The following FMN1 variants were observed in gnomAD, a reference collection of about 807,000 sequenced individuals.
FMN1 encodes the protein formin 1.
Under a neutral mutation model 132.4 loss-of-function variants are expected in FMN1, and 110 were observed. The ratio of observed to expected loss-of-function variants is 0.83; its 90% CI spans 0.71 to 0.97. The LOEUF is 0.97. Ranked by LOEUF, FMN1 falls within the 50% of genes least tolerant of loss-of-function variation. FMN1 has a pLI of 0.00. For missense variants in FMN1, 1,792 were observed against 1,705.3 expected (o/e 1.05, Z -0.90); for synonymous variants, 722 against 651.7 (o/e 1.11, Z -1.64).
chr15:33,067,272 C>G, intron 5 of FMN1: 2 of 1,613,700 alleles, frequency 1.2e-6, no homozygotes, highest in Non-Finnish European at 1.7e-6. Flanking sequence ...CTTTGAGGAT[C>G]TTCTGCACAG....
intron 15 of FMN1, among the ~76,000 whole-genome samples, chr15:32,898,130 T>G (rs1025766527): frequency 2.0e-5 from 3 of 152,204 alleles, no homozygotes; most frequent in African/African-American, 7.2e-5. Context: ...CCCTGAGATC[T>G]CTACTATTCT....
At chr15:33,189,554 C>T (rs564007514) in intron 2 of FMN1, among the ~76,000 whole-genome samples, 14 of 152,260 alleles carry the variant, frequency 9.2e-5, no homozygotes, top group Non-Finnish European at 1.6e-4. Context: ...AAGTTTAAAA[C>T]ATGATAAAGC....
chr15:32,878,557 G>A (rs1043248928), intron 16 of FMN1, among the ~76,000 whole-genome samples: 1 of 152,172 alleles, frequency 6.6e-6, no homozygotes, highest in Non-Finnish European at 1.5e-5. Context: ...TGTCAGACAT[G>A]AGAGCACAAA....
At position 32,965,402 on chromosome 15, in the gene FMN1, A is replaced by T. The variant is rs114623361; in HGVS notation, c.2988-1145T>A. The stretch of plus-strand genomic sequence containing the variant: ...GTAACAGAACAAGAGTCCATCTCAA[A>T]AATAATAATAATAATAAATACTATC... On this transcript the variant is annotated intron_variant, in intron 8 of 20. Coordinates refer to ENST00000616417, the MANE Select transcript of FMN1 (RefSeq NM_001277313.2). Among the ~76,000 whole-genome samples, 5 of 152,182 alleles carry T rather than the reference A, an allele frequency of 3.3e-5. 1 individual carries two copies. Among genetic ancestry groups the T allele is most frequent in the African/African-American group, 9.6e-5 (4 of 41,518 alleles).
At chr15:33,060,936 T>A (rs966376059) in intron 6 of FMN1, among the ~76,000 whole-genome samples, 14 of 152,350 alleles carry the variant, frequency 9.2e-5, no homozygotes, top group Non-Finnish European at 1.8e-4. Context: ...ATGTATTTTT[T>A]AAATGTCTTA....
At chr15:32,921,321 G>T (rs916371960) in intron 10 of FMN1, among the ~76,000 whole-genome samples, 1 of 152,164 alleles carries the variant, frequency 6.6e-6, no homozygotes, top group African/African-American at 2.4e-5. Flanking sequence ...CAAAGAGTAA[G>T]AAAAGTACTT....
chr15:33,153,878 G>C lies in FMN1; in HGVS notation c.1037C>G (p.Thr346Arg). ...LSSQVQRVVK[T>R]HSKGKETIAI... ...AATCGTCTCCTTACCCTTAGAATGC[G>C]TTTTAACTACTCTTTGTACCTGGGA... The change falls in exon 4 of 21, where the codon ACG (threonine) becomes AGG (arginine). Residue 346 changes from threonine to arginine, a missense_variant. By Grantham distance (71) the Thr-to-Arg change is moderately conservative. This residue lies in a region of FMN1 where 638 missense variants were observed against 645.2 expected (regional missense o/e 0.99). Transcript: ENST00000616417. 1 of 1,536,768 alleles carries C rather than the reference G, an allele frequency of 6.5e-7. No individual in the cohort carries two copies. Among genetic ancestry groups the C allele is most frequent in the Non-Finnish European group, 8.7e-7 (1 of 1,147,056 alleles).
intron 4 of FMN1, among the ~76,000 whole-genome samples, chr15:33,118,191 T>A (rs1173096289): frequency 4.6e-5 from 7 of 152,318 alleles, no homozygotes; most frequent in Non-Finnish European, 1.0e-4. Context: ...CTGCCTAACA[T>A]CCTCCATGGG....
chr15:32,777,475 ATATAT>A (rs1413704245), intron 19 of FMN1, among the ~76,000 whole-genome samples: 22 of 99,350 alleles, frequency 2.2e-4, no homozygotes, highest in East Asian at 5.4e-4. Flanking sequence ...ACGTATATTT[ATATAT>A]TATATTTATA....
chr15:33,191,393 A>T (rs1966074991), intron 2 of FMN1, among the ~76,000 whole-genome samples: 1 of 152,212 alleles, frequency 6.6e-6, no homozygotes, highest in African/African-American at 2.4e-5. Context: ...AAGAAAAAAA[A>T]ACTTAACTAG....
At chr15:33,005,187 A>T (rs2034348851) in intron 7 of FMN1, among the ~76,000 whole-genome samples, 1 of 151,420 alleles carries the variant, frequency 6.6e-6, no homozygotes, top group East Asian at 1.9e-4. Context: ...CTTAAAGTAT[A>T]ATAATAATAT....
At chr15:32,994,695 A>G (rs976276466) in intron 7 of FMN1, among the ~76,000 whole-genome samples, 1 of 152,232 alleles carries the variant, frequency 6.6e-6, no homozygotes, top group African/African-American at 2.4e-5. Context: ...TGAATGATTG[A>G]GAAAGACCTC....
In FMN1 at chr15:33,105,398, G is replaced by A. The variant is rs559995686; in HGVS notation, c.1868-16424C>T. On this transcript the variant is annotated intron_variant, in intron 4 of 20. Transcript: ENST00000616417. ...AAATAGGATTGTAGGGGATTTGGTG[G>A]GGTATCAGAGGAATCTAGAGGATAA... Among the ~76,000 whole-genome samples, 341 of 151,962 alleles carry A rather than the reference G, an allele frequency of 2.2e-3. 3 individuals carry two copies. Among genetic ancestry groups the A allele is most frequent in the Middle Eastern group, 3.4e-3 (1 of 294 alleles).
chr15:32,776,811 A>G, intron 20 of FMN1, 24 bp downstream of exon 20: 1 of 1,436,668 alleles, frequency 7.0e-7, no homozygotes, highest in African/African-American at 1.4e-5. Flanking sequence ...CAATCGTTAG[A>G]TTATGTTGAA....
At chr15:33,024,367 G>C (rs345858) in intron 6 of FMN1, among the ~76,000 whole-genome samples, 59,868 of 150,770 alleles carry the variant, frequency 0.4, 12,215 homozygotes, top group Admixed American at 0.49. Flanking sequence ...CTGCCTCAGC[G>C]TCCTGAGTAG....
At chr15:33,114,273 G>A (rs1331563960) in intron 4 of FMN1, among the ~76,000 whole-genome samples, 1 of 152,202 alleles carries the variant, frequency 6.6e-6, no homozygotes, top group Non-Finnish European at 1.5e-5. Flanking sequence ...CCAAGGACGA[G>A]GAATGAAGCA....
intron 9 of FMN1, among the ~76,000 whole-genome samples, chr15:32,952,847 T>G (rs1440960961): frequency 6.6e-6 from 1 of 152,188 alleles, no homozygotes; most frequent in East Asian, 1.9e-4. Flanking sequence ...AGATCCCAAT[T>G]AAACTACTCT....
intron 5 of FMN1, chr15:33,068,199 G>A (rs2037837220): frequency 3.5e-6 from 1 of 289,098 alleles, no homozygotes; most frequent in Non-Finnish European, 6.0e-6. Flanking sequence ...TATTCCCGGG[G>A]ACAAAAGCCT....
chr15:32,777,039 T>G (rs542468352), intron 19 of FMN1, 120 bp from the exon 20 acceptor site: 1 of 575,964 alleles, frequency 1.7e-6, no homozygotes, highest in East Asian at 3.0e-5. Context: ...AATTAATCCA[T>G]CAGCAATTTG....
Sources: gnomAD v4.1 joint callset for allele counts (sites outside exome capture counted in the v4.1 genomes callset) on GRCh38, gnomAD v4.1.1 for gene constraint, gnomAD v4.1.1 regional missense constraint, MANE v1.5 for transcripts, NCBI Gene and HGNC (gene_info 2026-07-23, HGNC 2026-07-21) for gene names.